Variants in HDAC9 observed in about 807,000 individuals in gnomAD.
HDAC9 encodes the protein MEF-2 interacting transcription repressor (MITR) protein.
Under a neutral mutation model 139.4 loss-of-function variants are expected in HDAC9, and 41 were observed. That is an observed-to-expected ratio of 0.29 (90% CI 0.23 to 0.38). HDAC9 has a LOEUF of 0.38. Ranked by LOEUF, HDAC9 falls within the 10% of genes least tolerant of loss-of-function variation. HDAC9 has a pLI of 1.00. For synonymous variants in HDAC9, 517 were observed against 476.2 expected (o/e 1.09, Z -1.12); for missense variants, 1,147 against 1,297.0 (o/e 0.88, Z 1.78).
chr7:18,872,185 T>A (rs1798970750), intron 21 of HDAC9, among the ~76,000 whole-genome samples: 1 of 152,152 alleles, frequency 6.6e-6, no homozygotes, highest in Admixed American at 6.5e-5. Flanking sequence ...TTCTATCAGG[T>A]GATGTATCCT....
intron 22 of HDAC9, among the ~76,000 whole-genome samples, chr7:18,894,855 G>T (rs10272295): frequency 0.9 from 137,573 of 152,136 alleles, 62,447 homozygotes; most frequent in East Asian, 1. Flanking sequence ...GAAGGCTTGG[G>T]CTTAGATACA....
At chr7:18,477,442 G>A (rs982665414) in intron 1 of HDAC9, among the ~76,000 whole-genome samples, 1 of 152,108 alleles carries the variant, frequency 6.6e-6, no homozygotes, top group African/African-American at 2.4e-5. Flanking sequence ...ATACACACAG[G>A]TGTATTTATT....
intron 11 of HDAC9, among the ~76,000 whole-genome samples, chr7:18,658,248 TC>T (rs1424412428): frequency 6.6e-6 from 1 of 152,118 alleles, no homozygotes; most frequent in Non-Finnish European, 1.5e-5. Context: ...ACCTTTCTTT[TC>T]CTAAGGCCTG....
chr7:18,519,341 G>A (rs1426445874), intron 2 of HDAC9, among the ~76,000 whole-genome samples: 1 of 152,074 alleles, frequency 6.6e-6, no homozygotes, highest in Non-Finnish European at 1.5e-5. Flanking sequence ...TTACATGACA[G>A]ACAAATAAAA....
intron 1 of HDAC9, among the ~76,000 whole-genome samples, chr7:18,443,143 T>C (rs1378000311): frequency 6.6e-6 from 1 of 152,216 alleles, no homozygotes; most frequent in African/African-American, 2.4e-5. Context: ...TAGCCAGGAA[T>C]GGTGAAGACC....
At chr7:18,563,281 G>A (rs1354146823) in intron 2 of HDAC9, among the ~76,000 whole-genome samples, 2 of 151,904 alleles carry the variant, frequency 1.3e-5, no homozygotes, top group Admixed American at 1.3e-4. Context: ...TTATACAATT[G>A]GTCTTCAAAT....
intron 6 of HDAC9, among the ~76,000 whole-genome samples, chr7:18,604,441 C>G: frequency 6.6e-6 from 1 of 151,028 alleles, no homozygotes; most frequent in Non-Finnish European, 1.5e-5. Context: ...GAGTCTTGCT[C>G]TGTCGCCCAG....
chr7:18,987,604 C>CTCTT (rs1167197624), intron 25 of HDAC9, among the ~76,000 whole-genome samples: 3 of 152,162 alleles, frequency 2.0e-5, no homozygotes, highest in Non-Finnish European at 1.5e-5. Flanking sequence ...GGAGGATTCC[C>CTCTT]TCTTTTTCTA....
intron 22 of HDAC9, among the ~76,000 whole-genome samples, chr7:18,893,033 GA>G (rs71960483): frequency 1.3e-3 from 88 of 66,878 alleles, no homozygotes; most frequent in Non-Finnish European, 2.0e-3. Context: ...GTAATAGGCC[GA>G]AAAAAAAAAA....
rs927238662 is a variant in HDAC9 at position 18,853,352 on chromosome 7, G to GA, written c.2684+17364dup. Among the ~76,000 whole-genome samples the GA allele has an allele frequency of 1.6e-3, 247 of 149,780 alleles. 2 individuals are homozygous for GA. The highest frequency in any genetic ancestry group is 5.8e-3 in the African/African-American group (238 of 40,876). On this transcript the variant is annotated intron_variant, in intron 21 of 25. Transcript: ENST00000686413. ...CCCTGGGGAGGGTTAAATCCATTAG[G>GA]AAAAAAAAATGAGTTTGGGGGTTTC...
chr7:18,421,641 G>C (rs759954913), intron 1 of HDAC9, among the ~76,000 whole-genome samples: 1 of 152,174 alleles, frequency 6.6e-6, no homozygotes, highest in Non-Finnish European at 1.5e-5. Context: ...GAAACTTCCA[G>C]GGCATAATTT....
chr7:18,218,114 G>A (rs1792440706), intron 2 of HDAC9, among the ~76,000 whole-genome samples: 1 of 152,176 alleles, frequency 6.6e-6, no homozygotes, highest in Non-Finnish European at 1.5e-5. Context: ...ACAGAGTAAA[G>A]TGGAAGCTAC....
intron 22 of HDAC9, among the ~76,000 whole-genome samples, chr7:18,891,195 A>G (rs1563027670): frequency 2.6e-5 from 4 of 152,156 alleles, no homozygotes; most frequent in Admixed American, 6.6e-5. Flanking sequence ...TATGCACAAT[A>G]TTTCCTTCCT....
intron 1 of HDAC9, among the ~76,000 whole-genome samples, chr7:18,384,402 A>G (rs1033322444): frequency 3.9e-5 from 6 of 152,316 alleles, no homozygotes; most frequent in African/African-American, 1.4e-4. Flanking sequence ...TTTTTTAAAG[A>G]TTGAGATATT....
At chr7:18,673,897 C>T (rs570537342) in intron 12 of HDAC9, among the ~76,000 whole-genome samples, 157 of 152,092 alleles carry the variant, frequency 1.0e-3, no homozygotes, top group African/African-American at 3.6e-3. Context: ...TAAAGACAAC[C>T]GAAAGTCTGC....
intron 12 of HDAC9, among the ~76,000 whole-genome samples, chr7:18,707,543 G>A (rs1784023073): frequency 6.6e-6 from 1 of 152,102 alleles, no homozygotes; most frequent in Non-Finnish European, 1.5e-5. Flanking sequence ...TTAAGGTGAA[G>A]GGAATATAGT....
chr7:18,984,134 A>G (rs1275620916), intron 25 of HDAC9, among the ~76,000 whole-genome samples: 2 of 152,056 alleles, frequency 1.3e-5, no homozygotes, highest in Non-Finnish European at 2.9e-5. Flanking sequence ...TGATTCCTTT[A>G]TGTTTTCTCC....
chr7:18,112,682 G>T (rs924778677), intron 1 of HDAC9, among the ~76,000 whole-genome samples: 9 of 152,168 alleles, frequency 5.9e-5, no homozygotes, highest in Non-Finnish European at 1.3e-4. Flanking sequence ...TGTCAATTGT[G>T]TGCTGTATCT....
At chr7:18,542,319 C>T (rs953185914) in intron 2 of HDAC9, among the ~76,000 whole-genome samples, 8 of 152,312 alleles carry the variant, frequency 5.3e-5, no homozygotes, top group Admixed American at 1.3e-4. Context: ...TTACCAACTT[C>T]TCTATACCTC....
Sources: allele counts gnomAD v4.1 joint callset (sites outside exome capture counted in the v4.1 genomes callset), GRCh38; gene constraint gnomAD v4.1.1; transcripts MANE v1.5; gene names NCBI Gene and HGNC (gene_info 2026-07-23, HGNC 2026-07-21).